Variants in AFF2 observed in about 807,000 individuals in gnomAD.
AFF2 encodes AF4/FMR2 family member 2.
AFF2 carries 14 observed loss-of-function variants against 76.9 expected under a neutral mutation model. That is an observed-to-expected ratio of 0.18 (90% CI 0.12 to 0.28). AFF2 has a LOEUF of 0.28. Among genes scored for constraint, AFF2 ranks in the 10% least tolerant of loss-of-function variants. The pLI, the probability that AFF2 is intolerant of heterozygous loss-of-function variation, is 1.00. For synonymous variants in AFF2, 398 were observed against 366.7 expected, an observed-to-expected ratio of 1.09 and a Z score of -0.98; for missense variants, 868 against 1,001.1, an observed-to-expected ratio of 0.87 and a Z score of 1.79.
intron 9 of AFF2, among the ~76,000 whole-genome samples, chrX:148,938,607 G>T (rs1331735153): frequency 8.9e-6 from 1 of 111,759 alleles, no homozygotes; most frequent in Non-Finnish European, 1.9e-5. Flanking sequence ...ACACAGGATG[G>T]CCTCCCAAAG....
chrX:148,560,405 C>T (rs1428423897), intron 1 of AFF2, among the ~76,000 whole-genome samples: 4 of 111,879 alleles, frequency 3.6e-5, no homozygotes, highest in East Asian at 2.8e-4. Context: ...AAGACTTAAA[C>T]GTAAGACCTA....
intron 1 of AFF2, among the ~76,000 whole-genome samples, chrX:148,525,077 ATTATAGTAATAT>A (rs2052643333): frequency 8.9e-6 from 1 of 112,345 alleles, no homozygotes; most frequent in Admixed American, 9.5e-5. Context: ...GGAAAAAATA[ATTATAGTAATAT>A]TTTCCTGCTA....
At chrX:148,703,911 A>T in intron 3 of AFF2, among the ~76,000 whole-genome samples, 2 of 109,533 alleles carry the variant, frequency 1.8e-5, no homozygotes, top group South Asian at 7.6e-4. Flanking sequence ...TTTTATTGAG[A>T]CAGGATCTTG....
intron 9 of AFF2, among the ~76,000 whole-genome samples, chrX:148,904,951 T>C (rs1211648268): frequency 3.6e-5 from 4 of 112,243 alleles, no homozygotes; most frequent in Non-Finnish European, 5.6e-5. Context: ...CAATGCATGC[T>C]AGTCCTGCCA....
intron 1 of AFF2, among the ~76,000 whole-genome samples, chrX:148,578,781 G>C (rs192091356): frequency 8.9e-6 from 1 of 111,979 alleles, no homozygotes; most frequent in Admixed American, 9.5e-5. Context: ...TTTGAATATG[G>C]ACTGTGAAAC....
intron 1 of AFF2, among the ~76,000 whole-genome samples, chrX:148,509,885 C>T (rs147243232): frequency 0.015 from 1,628 of 111,493 alleles, 50 homozygotes; most frequent in African/African-American, 0.051. Context: ...TGTCATTGTT[C>T]AAATCTCAAC....
intron 3 of AFF2, among the ~76,000 whole-genome samples, chrX:148,808,761 T>C (rs2070167730): frequency 8.9e-6 from 1 of 112,102 alleles, no homozygotes; most frequent in Non-Finnish European, 1.9e-5. Flanking sequence ...AATTAATGCA[T>C]GTACAGAAGT....
intron 4 of AFF2, among the ~76,000 whole-genome samples, chrX:148,814,747 G>GA (rs782762860): frequency 9.0e-6 from 1 of 111,108 alleles, no homozygotes; most frequent in Admixed American, 9.6e-5. Context: ...TTTTAGCATG[G>GA]AAAAAAATTA....
intron 3 of AFF2, among the ~76,000 whole-genome samples, chrX:148,723,775 C>T (rs5980583): frequency 0.013 from 1,485 of 111,314 alleles, 22 homozygotes; most frequent in African/African-American, 0.046. Context: ...CTGCTGTGAG[C>T]CCAAGATGTC....
At chrX:148,969,417 G>A (rs1269348306) in intron 15 of AFF2, among the ~76,000 whole-genome samples, 2 of 112,085 alleles carry the variant, frequency 1.8e-5, no homozygotes, top group East Asian at 2.8e-4. Flanking sequence ...TGATCCCTCC[G>A]TATCCATAGA....
At position 148,872,963 on chromosome X, in the gene AFF2, A is replaced by G. The variant is rs564434990; in HGVS notation, c.1263-12926A>G. On this transcript the variant is annotated intron_variant, in intron 7 of 20. Transcript: ENST00000370460. Reference sequence around the variant, plus strand: ...GACTTTGAGGGAGGGGGACACACAAACATTCAGTCCACAGTGGTATCTTCT... The same window carrying G: ...GACTTTGAGGGAGGGGGACACACAAGCATTCAGTCCACAGTGGTATCTTCT... 3.9e-4 allele frequency among the ~76,000 whole-genome samples: 44 copies of G among 111,483 alleles called. 2 individuals are homozygous for G. The highest frequency in any genetic ancestry group is 3.9e-3 in the Admixed American group (41 of 10,521).
chrX:148,735,056 T>A (rs1569554547), intron 3 of AFF2, among the ~76,000 whole-genome samples: 1 of 112,287 alleles, frequency 8.9e-6, no homozygotes, highest in Non-Finnish European at 1.9e-5. Flanking sequence ...CATATAAGAA[T>A]AGACCCTTAG....
At chrX:148,810,013 T>C in intron 4 of AFF2, 93 bp downstream of exon 4, 1 of 880,143 alleles carries the variant, frequency 1.1e-6, no homozygotes, top group Non-Finnish European at 1.6e-6. Context: ...TTTCAAGGAG[T>C]TTCATGATGG....
At chrX:148,555,138 C>T (rs915977814) in intron 1 of AFF2, among the ~76,000 whole-genome samples, 3 of 112,119 alleles carry the variant, frequency 2.7e-5, no homozygotes, top group Non-Finnish European at 5.6e-5. Flanking sequence ...GATCATCTGG[C>T]TCCCAAGGTT....
chrX:148,880,520 G>C (rs1218617783), intron 7 of AFF2, among the ~76,000 whole-genome samples: 1 of 111,738 alleles, frequency 8.9e-6, no homozygotes, highest in Non-Finnish European at 1.9e-5. Context: ...TCTGCCTAAT[G>C]AGAACATGCA....
At chrX:148,937,116 G>A (rs782708935) in intron 9 of AFF2, among the ~76,000 whole-genome samples, 2 of 111,712 alleles carry the variant, frequency 1.8e-5, no homozygotes, top group African/African-American at 6.5e-5. Context: ...CATTATAAAG[G>A]CAGGAAAAAA....
At chrX:148,701,011 A>AG (rs10675199) in intron 3 of AFF2, among the ~76,000 whole-genome samples, 6,911 of 60,103 alleles carry the variant, frequency 0.11, 361 homozygotes, top group African/African-American at 0.22. Flanking sequence ...AGAGAGAGAG[A>AG]ATGTGTGTGT....
At chrX:148,608,665 G>A (rs2053697458) in intron 1 of AFF2, among the ~76,000 whole-genome samples, 1 of 108,710 alleles carries the variant, frequency 9.2e-6, no homozygotes, top group Non-Finnish European at 1.9e-5. Context: ...CACTACTCAT[G>A]CCCGCATGCC....
At chrX:148,732,756 A>G (rs2055243157) in intron 3 of AFF2, among the ~76,000 whole-genome samples, 1 of 110,132 alleles carries the variant, frequency 9.1e-6, no homozygotes, top group African/African-American at 3.3e-5. Flanking sequence ...GAGGTGATCC[A>G]TGCACTCATT....
Sources: gnomAD v4.1 joint callset for allele counts (sites outside exome capture counted in the v4.1 genomes callset) on GRCh38, gnomAD v4.1.1 for gene constraint, MANE v1.5 for transcripts, NCBI Gene and HGNC (gene_info 2026-07-23, HGNC 2026-07-21) for gene names.